The following SPAG9 variants were observed in gnomAD, a reference collection of about 807,000 sequenced individuals.
SPAG9 encodes the protein C-Jun-amino-terminal kinase-interacting protein 4.
A neutral mutation model predicts 166.5 loss-of-function variants in SPAG9; 35 were observed. The ratio of observed to expected loss-of-function variants is 0.21; its 90% CI spans 0.16 to 0.28. The LOEUF is 0.28. Ranked by LOEUF, SPAG9 falls within the 10% of genes least tolerant of loss-of-function variation. The pLI, the probability that SPAG9 is intolerant of heterozygous loss-of-function variation, is 1.00. For missense variants in SPAG9, 1,235 were observed against 1,603.3 expected (o/e 0.77, Z 3.92); for synonymous variants, 534 against 565.5 (o/e 0.94, Z 0.79).
At chr17:51,047,331 T>C in intron 4 of SPAG9, 44 bp downstream of exon 4, 1 of 1,041,458 alleles carries the variant, frequency 9.6e-7, no homozygotes, top group Non-Finnish European at 1.4e-6. Context: ...AAACATATTA[T>C]TTATTTTACT....
At chr17:51,031,776 T>C (rs1193331818) in intron 5 of SPAG9, 54 bp from the exon 6 acceptor site, 4 of 1,291,822 alleles carry the variant, frequency 3.1e-6, no homozygotes, top group South Asian at 1.3e-5. Context: ...TACTAGGTTT[T>C]AACACAGCTG....
chr17:51,105,821 G>A (rs901405934), intron 1 of SPAG9, among the ~76,000 whole-genome samples: 2 of 151,800 alleles, frequency 1.3e-5, no homozygotes, highest in African/African-American at 4.8e-5. Context: ...AGTGAGCCGA[G>A]ATTGCGCCAC....
At chr17:51,115,455 C>G (rs1478409735) in intron 1 of SPAG9, among the ~76,000 whole-genome samples, 1 of 148,830 alleles carries the variant, frequency 6.7e-6, no homozygotes, top group Non-Finnish European at 1.5e-5. Context: ...CACAAAAAAG[C>G]AGACACAAAA....
intron 1 of SPAG9, among the ~76,000 whole-genome samples, chr17:51,104,928 G>A (rs1409652442): frequency 9.8e-5 from 7 of 71,626 alleles, no homozygotes; most frequent in Admixed American, 8.4e-4. Context: ...GCGAGACTCC[G>A]TCTCAAAAAA....
rs1428216756 is a variant in SPAG9 at position 50,982,679 on chromosome 17, A to G, written c.3089-7T>C. 3.1e-6 allele frequency: 5 copies of G among 1,598,524 alleles called. No individual in the cohort carries two copies. The highest frequency in any genetic ancestry group is 2.2e-5 in the East Asian group (1 of 44,808). On this transcript the variant is annotated splice_region_variant and splice_polypyrimidine_tract_variant and intron_variant, in intron 24 of 29. Coordinates refer to ENST00000262013, the MANE Select transcript of SPAG9 (RefSeq NM_001130528.3). ...GACAAATCCCACTGCCCATCTTTAA[A>G]AAAAATAAAAGGTTATAGTAAATAC...
At chr17:51,073,925 A>G (rs982752306) in intron 2 of SPAG9, among the ~76,000 whole-genome samples, 3 of 152,078 alleles carry the variant, frequency 2.0e-5, no homozygotes, top group Non-Finnish European at 4.4e-5. Context: ...ATATGGTGAA[A>G]CCCCATCTCT....
intron 5 of SPAG9, among the ~76,000 whole-genome samples, chr17:51,037,390 G>A (rs1310760537): frequency 2.6e-5 from 4 of 151,978 alleles, no homozygotes; most frequent in Non-Finnish European, 4.4e-5. Context: ...TTGGGAGGCT[G>A]AGGCAGGTGG....
chr17:50,993,924 C>T lies in SPAG9; in HGVS notation c.2238G>A (p.Lys746=), dbSNP rs141177272. 308 of 1,613,924 alleles carry T rather than the reference C, an allele frequency of 1.9e-4. No individual in the cohort carries two copies. The African/African-American group carries it at 3.6e-3, about 19-fold the overall frequency. The change falls in exon 19 of 30, where the codon AAG becomes AAA. Residue 746 remains lysine (K), a synonymous_variant. Transcript: ENST00000262013. ...KLDQELKEQQ[K]ELKNQEELSS... is the part of the protein sequence containing the mutation. ...ATAATTCTTCTTGATTTTTTAACTCCTTCTGCTGTTCCTGTATAGGCAAAG... is the reference window on the plus strand; with the variant it reads ...ATAATTCTTCTTGATTTTTTAACTCTTTCTGCTGTTCCTGTATAGGCAAAG...
At chr17:51,062,161 A>G (rs960143313) in intron 2 of SPAG9, among the ~76,000 whole-genome samples, 1 of 152,130 alleles carries the variant, frequency 6.6e-6, no homozygotes, top group Non-Finnish European at 1.5e-5. Context: ...AAATTGAATG[A>G]AAGTACAGAG....
At chr17:51,057,055 G>A (rs2047381471) in intron 2 of SPAG9, among the ~76,000 whole-genome samples, 2 of 152,144 alleles carry the variant, frequency 1.3e-5, no homozygotes, top group Admixed American at 1.3e-4. Flanking sequence ...CAGAATGTCA[G>A]GACAGGATTC....
intron 1 of SPAG9, among the ~76,000 whole-genome samples, chr17:51,098,886 G>C (rs1455368594): frequency 6.6e-6 from 1 of 151,738 alleles, no homozygotes; most frequent in Non-Finnish European, 1.5e-5. Flanking sequence ...CGGATCACAA[G>C]GTCAGGAGAT....
rs957041345 is a variant in SPAG9 at position 50,993,867 on chromosome 17, A to G, written c.2295T>C (p.His765=). 6.2e-7 allele frequency: 1 copy of G among 1,614,216 alleles called. No individual in the cohort carries two copies. Among genetic ancestry groups the G allele is most frequent in the Non-Finnish European group, 8.5e-7 (1 of 1,180,034 alleles). The part of the protein sequence containing the change: ...SSLVWICTST[H]SATKVLIIDA... The stretch of plus-strand genomic sequence containing the variant: ...CAATAATAAGAACTTTTGTAGCCGA[A>G]TGAGTGCTGGTACAGATCCAAACTA... Residue 765 remains histidine (H), a synonymous_variant, in exon 19 of 30, where the codon CAT becomes CAC. Coordinates refer to ENST00000262013, the MANE Select transcript of SPAG9 (RefSeq NM_001130528.3).
At chr17:51,012,215 T>C (rs1222573627) in intron 9 of SPAG9, among the ~76,000 whole-genome samples, 1 of 152,202 alleles carries the variant, frequency 6.6e-6, no homozygotes, top group African/African-American at 2.4e-5. Flanking sequence ...TTTTCAGGTA[T>C]AATTTGATGT....
chr17:51,086,425 G>A (rs2048308916), intron 1 of SPAG9, among the ~76,000 whole-genome samples: 1 of 150,494 alleles, frequency 6.6e-6, no homozygotes, highest in African/African-American at 2.5e-5. Context: ...CAGACTGCCA[G>A]AGCTTAGGAA....
At chr17:51,020,285 C>T (rs1194237923) in intron 7 of SPAG9, 27 bp from the exon 8 acceptor site, 3 of 1,438,520 alleles carry the variant, frequency 2.1e-6, no homozygotes, top group South Asian at 1.2e-5. Context: ...ATGAAATAAA[C>T]AATACATATA....
rs989010633 is a variant in SPAG9, at chr17:50,995,588, G to A, written c.1969-55C>T. 8 of 1,047,186 alleles carry A rather than the reference G, an allele frequency of 7.6e-6. No homozygotes were observed. The African/African-American group carries it at 1.1e-4, about 14-fold the overall frequency. The allele number at this position is 1,047,186 out of a possible 1,614,324, so 64.9% of individuals were successfully genotyped here. On this transcript the variant is annotated intron_variant, in intron 16 of 29. Transcript: ENST00000262013. ...GGCACATTAGTAAGCCTCATCAAAAGTGAACTTATTACAGATCCACTGAGA... is the reference window on the plus strand; with the variant it reads ...GGCACATTAGTAAGCCTCATCAAAAATGAACTTATTACAGATCCACTGAGA...
At chr17:50,966,410 A>C in intron 29 of SPAG9, 23 bp from the exon 30 acceptor site, 1 of 1,376,996 alleles carries the variant, frequency 7.3e-7, no homozygotes, top group Non-Finnish European at 1.0e-6. Context: ...AAGAAGACTC[A>C]AGTTAGGCTG....
intron 1 of SPAG9, among the ~76,000 whole-genome samples, chr17:51,119,390 T>C (rs1487970233): frequency 1.2e-4 from 19 of 152,170 alleles, no homozygotes; most frequent in Non-Finnish European, 1.5e-5. Flanking sequence ...ACACATCACC[T>C]GCCTTTGATA....
At chr17:50,996,508 A>G in intron 16 of SPAG9, 57 bp downstream of exon 16, 1 of 1,604,606 alleles carries the variant, frequency 6.2e-7, no homozygotes, top group Admixed American at 1.7e-5. Context: ...ATGCCCACGC[A>G]CACTCAACTT....
Sources: allele counts gnomAD v4.1 joint callset (sites outside exome capture counted in the v4.1 genomes callset), GRCh38; gene constraint gnomAD v4.1.1; transcripts MANE v1.5; gene names NCBI Gene and HGNC (gene_info 2026-07-23, HGNC 2026-07-21).